Variants in MSH6 observed in about 807,000 individuals in gnomAD.
MSH6 encodes the protein DNA mismatch repair protein Msh6.
MSH6 carries 85 observed loss-of-function variants against 119.1 expected under a neutral mutation model. The ratio of observed to expected loss-of-function variants is 0.71; its 90% CI spans 0.60 to 0.85. The LOEUF (loss-of-function observed/expected upper bound fraction) is 0.85, where lower values mean the gene tolerates loss of function less well. Ranked by LOEUF, MSH6 falls within the 40% of genes least tolerant of loss-of-function variation. The pLI, the probability that MSH6 is intolerant of heterozygous loss-of-function variation, is 0.00. For missense variants in MSH6, 2,163 were observed against 1,655.3 expected (o/e 1.31, Z -5.32); for synonymous variants, 830 against 586.9 (o/e 1.41, Z -5.99).
Position 47,800,447 on chromosome 2 carries a change from C to T in MSH6, c.2464C>T (p.Leu822Phe), listed in dbSNP as rs2104408143. ...LKKLPDLERL[L>F]SKIHNVGSPL... The stretch of plus-strand genomic sequence containing the variant: ...GAAGCTTCCAGATCTTGAGAGGCTA[C>T]TCAGTAAAATTCATAATGTTGGGTC... Residue 822 changes from leucine to phenylalanine, a missense_variant, in exon 4 of 10, where the codon CTC becomes TTC. By Grantham distance (22) the Leu-to-Phe change is conservative (BLOSUM62 0). Coordinates refer to ENST00000234420, the MANE Select transcript of MSH6 (RefSeq NM_000179.3). 6.2e-7 allele frequency: 1 copy of T among 1,613,832 alleles called. No homozygotes were observed. The highest frequency in any genetic ancestry group is 8.5e-7 in the Non-Finnish European group (1 of 1,179,990).
intron 1 of MSH6, chr2:47,784,047 G>C (rs1668192164): frequency 3.9e-6 from 4 of 1,015,802 alleles, no homozygotes; most frequent in Non-Finnish European, 4.7e-6. Context: ...TAGACACTTA[G>C]AGGTAGTTAA....
intron 4 of MSH6, among the ~76,000 whole-genome samples, chr2:47,803,035 C>T (rs1669698969): frequency 6.6e-6 from 1 of 152,136 alleles, no homozygotes; most frequent in South Asian, 2.1e-4. Flanking sequence ...CCTCAGCCTC[C>T]TGCGTAGCTG....
chr2:47,807,221 A>C (rs1558397062), downstream of MSH6: 3 of 246,974 alleles, frequency 1.2e-5, no homozygotes, highest in Non-Finnish European at 2.4e-5. Flanking sequence ...ACTGTTCAAA[A>C]AAAAACTATG....
Position 47,803,625 on chromosome 2 carries a change from A to G in MSH6, c.3378A>G (p.Lys1126=), listed in dbSNP as rs1572735910. ...AGGAAGAGGAGCAGGAAAATGGCAA[A>G]GCCTATTGTGTGCTTGTTACTGGAC... is the stretch of plus-strand genomic sequence containing the variant. ...GCEEEEQENG[K]AYCVLVTGPN... is the part of the protein sequence containing the mutation. The change falls in exon 5 of 10, where the codon AAA becomes AAG. Residue 1126 remains lysine, a synonymous_variant. Transcript: ENST00000234420. 6.2e-7 allele frequency: 1 copy of G among 1,614,168 alleles called. No homozygotes were observed. The highest frequency in any genetic ancestry group is 8.5e-7 in the Non-Finnish European group (1 of 1,180,018).
Position 47,803,464 on chromosome 2 carries a change from C to G in MSH6, c.3217C>G (p.Pro1073Ala), listed in dbSNP as rs142254875. Residue 1073 changes from proline to alanine, a missense_variant, in exon 5 of 10, where the codon CCT (proline) becomes GCT (alanine). Coordinates refer to ENST00000234420, the MANE Select transcript of MSH6 (RefSeq NM_000179.3). ...LANYSRGGDGPMCRPVILLPE... is the reference protein window; with the variant it reads ...LANYSRGGDGAMCRPVILLPE... ...TAACTATAGTCGAGGGGGTGATGGT[C>G]CTATGTGTCGCCCAGTAATTCTGTT... is the stretch of plus-strand genomic sequence containing the variant. 1 of 1,614,106 alleles carries G rather than the reference C, an allele frequency of 6.2e-7. No individual in the cohort carries two copies. The highest frequency in any genetic ancestry group is 8.5e-7 in the Non-Finnish European group (1 of 1,180,032).
chr2:47,807,334 C>CT, downstream of MSH6: 1 of 213,368 alleles, frequency 4.7e-6, no homozygotes, highest in Admixed American at 5.8e-5. Flanking sequence ...TACAAGAATA[C>CT]TTTTGTTTTA....
In MSH6 at chr2:47,799,367, C is replaced by A. The variant is rs876658726; in HGVS notation, c.1384C>A (p.Pro462Thr). 1 of 1,614,058 alleles carries A rather than the reference C, an allele frequency of 6.2e-7. No homozygotes were observed. Among genetic ancestry groups the A allele is most frequent in the African/African-American group, 1.3e-5 (1 of 75,006 alleles). Residue 462 changes from proline (P) to threonine (T), a missense_variant, in exon 4 of 10, where the codon CCT becomes ACT. Pro to Thr is a conservative substitution (Grantham distance 38, BLOSUM62 -1). Transcript: ENST00000234420. Reference protein sequence around the residue: ...MKGNWAHSGFPEIAFGRYSDS... With the variant: ...MKGNWAHSGFTEIAFGRYSDS... ...AGGCAACTGGGCCCATTCTGGCTTT[C>A]CTGAAATTGCATTTGGCCGTTATTC...
At chr2:47,793,967 A>C (rs1668915764) in intron 2 of MSH6, among the ~76,000 whole-genome samples, 1 of 151,838 alleles carries the variant, frequency 6.6e-6, no homozygotes, top group African/African-American at 2.4e-5. Context: ...CCTGACCTTA[A>C]GTGATCCGTC....
At chr2:47,801,196 A>G in intron 4 of MSH6, 41 bp downstream of exon 4, 2 of 1,599,518 alleles carry the variant, frequency 1.3e-6, no homozygotes, top group South Asian at 1.1e-5. Flanking sequence ...TTTGATAAGT[A>G]GTGCTGTTTG....
intron 9 of MSH6, 41 bp downstream of exon 9, chr2:47,806,692 TAAGTTTCA>T: frequency 6.3e-7 from 1 of 1,590,170 alleles, no homozygotes; most frequent in Non-Finnish European, 8.6e-7. Flanking sequence ...TAACTGACCT[TAAGTTTCA>T]AAGAAACAGT....
downstream of MSH6, chr2:47,809,138 C>G (rs747034865): frequency 7.0e-7 from 1 of 1,428,586 alleles, no homozygotes; most frequent in South Asian, 1.2e-5. Context: ...TTTCAGGACT[C>G]AAATATATTT....
At chr2:47,795,633 T>A (rs1402159020) in intron 2 of MSH6, among the ~76,000 whole-genome samples, 1 of 151,916 alleles carries the variant, frequency 6.6e-6, no homozygotes, top group Non-Finnish European at 1.5e-5. Flanking sequence ...CCTTGGCTAA[T>A]TTTTGTATTT....
At chr2:47,788,907 C>CTTTTT (rs1558650117) in intron 1 of MSH6, among the ~76,000 whole-genome samples, 75 of 17,292 alleles carry the variant, frequency 4.3e-3, no homozygotes, top group Non-Finnish European at 6.1e-3. Flanking sequence ...TTTCTTCTTC[C>CTTTTT]TTTTTTTTTT....
chr2:47,793,811 A>G (rs1035032445), intron 2 of MSH6, among the ~76,000 whole-genome samples: 1 of 150,708 alleles, frequency 6.6e-6, no homozygotes, highest in African/African-American at 2.4e-5. Context: ...GCTCACTGCA[A>G]CCTCTGCCTC....
rs1668103064 is a variant in MSH6, at chr2:47,783,176, A to G, written c.-58A>G. 5.6e-6 allele frequency: 9 copies of G among 1,602,568 alleles called. No homozygotes were observed. The highest frequency in any genetic ancestry group is 7.7e-6 in the Non-Finnish European group (9 of 1,175,930). ...CCCGCCAGCAGGAGCCGCGCGGTAG[A>G]TGCGGTGCTTTTAGGAGCTCCGTCC... On this transcript the variant is annotated 5_prime_UTR_variant, in exon 1 of 10. The change abolishes an upstream ATG in the 5' untranslated region. Coordinates refer to ENST00000234420, the MANE Select transcript of MSH6 (RefSeq NM_000179.3).
chr2:47,794,433 G>A (rs1487861249), intron 2 of MSH6, among the ~76,000 whole-genome samples: 1 of 151,412 alleles, frequency 6.6e-6, no homozygotes, highest in Non-Finnish European at 1.5e-5. Context: ...CACCACACCT[G>A]GCTAATTTTT....
intron 1 of MSH6, among the ~76,000 whole-genome samples, 155 bp from the exon 2 acceptor site, chr2:47,790,772 T>A (rs1479147398): frequency 6.6e-6 from 1 of 152,264 alleles, no homozygotes; most frequent in Non-Finnish European, 1.5e-5. Context: ...ATACATTTTT[T>A]AAATGACTTG....
At chr2:47,784,461 C>CT (rs1234514213) in intron 1 of MSH6, 5,552 of 142,862 alleles carry the variant, frequency 0.039, 155 homozygotes, top group Non-Finnish European at 0.059. Context: ...CAGTTAAGTG[C>CT]TTTTTTTTTT....
chr2:47,809,048 A>T (rs114304626), downstream of MSH6: 5 of 621,568 alleles, frequency 8.0e-6, no homozygotes, highest in South Asian at 1.1e-4. Flanking sequence ...TAAAATTTTC[A>T]GTTAGTTATA....
Sources: gnomAD v4.1 joint callset for allele counts (sites outside exome capture counted in the v4.1 genomes callset) on GRCh38, gnomAD v4.1.1 for gene constraint, MANE v1.5 for transcripts, NCBI Gene and HGNC (gene_info 2026-07-23, HGNC 2026-07-21) for gene names.